Variants in USP15 observed in about 807,000 individuals in gnomAD.
USP15 encodes ubiquitin specific peptidase 15.
USP15 carries 18 observed loss-of-function variants against 127.1 expected under a neutral mutation model. That is an observed-to-expected ratio of 0.14 (90% CI 0.10 to 0.21). The LOEUF is 0.21. USP15 is among the 10% of genes least tolerant of loss of function. The probability of loss-of-function intolerance (pLI) is 1.00; values close to 1 mark genes in which losing one functional copy is unlikely to be tolerated. For synonymous variants in USP15, 364 were observed against 393.7 expected, an observed-to-expected ratio of 0.92 and a Z score of 0.89; for missense variants, 805 against 1,159.9, an observed-to-expected ratio of 0.69 and a Z score of 4.44.
intron 14 of USP15, 35 bp from the exon 15 acceptor site, chr12:62,390,829 G>T (rs372332594): frequency 6.7e-7 from 1 of 1,499,456 alleles, no homozygotes; most frequent in South Asian, 1.2e-5. Context: ...TATCTTTGTA[G>T]TACTGAACTT....
chr12:62,411,256 C>A lies in USP15; in HGVS notation c.*6881C>A, dbSNP rs1038572734. Reference sequence around the variant, plus strand: ...CAGATAGTCACTACATCCTCTTGCTCTTTCTCATTTTTACTCTTTAACTGG... The same window carrying A: ...CAGATAGTCACTACATCCTCTTGCTATTTCTCATTTTTACTCTTTAACTGG... On this transcript the variant is annotated 3_prime_UTR_variant, in exon 22 of 22. Transcript: ENST00000280377. 2.6e-5 allele frequency: 4 copies of A among 152,216 alleles called. No individual in the cohort carries two copies. Among genetic ancestry groups the A allele is most frequent in the African/African-American group, 9.7e-5 (4 of 41,444 alleles). The allele number at this position is 152,216 out of a possible 1,614,324, so 9.4% of individuals were successfully genotyped here. A position where few individuals can be genotyped will look rare whatever the true frequency, so the allele number is the denominator to read the frequency against.
rs1365433188 is a variant in USP15, at chr12:62,406,832, G to GCA, written c.*2463_*2464dup. On this transcript the variant is annotated 3_prime_UTR_variant, in exon 22 of 22. Coordinates refer to ENST00000280377, the MANE Select transcript of USP15 (RefSeq NM_001252078.2). ...TATTTTTTTTTAATTAGCTGGGTGT[G>GCA]CACACACCTGTGTTCCCAGCTACTG... 13 of 152,008 alleles carry GCA rather than the reference G, an allele frequency of 8.6e-5. No individual in the cohort carries two copies. In the East Asian group the frequency reaches 2.3e-3, roughly 27 times the overall value. 9.4% of individuals were successfully genotyped at this position (152,008 alleles called of 1,614,324 possible). A position where few individuals can be genotyped will look rare whatever the true frequency, so the allele number is the denominator to read the frequency against.
chr12:62,381,791 T>A, intron 9 of USP15, 128 bp downstream of exon 9: 1 of 756,508 alleles, frequency 1.3e-6, no homozygotes, highest in Non-Finnish European at 2.0e-6. Flanking sequence ...ACACAGTACA[T>A]AAATAGATAT....
rs537398759 is a variant in USP15 at position 62,260,455 on chromosome 12, C to G, written c.41C>G (p.Ser14Cys). 1.9e-6 allele frequency: 3 copies of G among 1,552,190 alleles called. No homozygotes were observed. The highest frequency in any genetic ancestry group is 2.6e-6 in the Non-Finnish European group (3 of 1,147,784). ...GGAADLDTQR[S>C]DIATLLKTSL... ...GCGGCGGATCTGGACACCCAGCGGT[C>G]TGACATCGCGACGCTGCTCAAAACC... The change falls in exon 1 of 22, where the codon TCT becomes TGT. Residue 14 changes from serine (S) to cysteine (C), a missense_variant. Physicochemically the swap from Ser to Cys is moderately radical, Grantham distance 112. Around this residue, in one of 11 missense-constraint regions of USP15, gnomAD observed 45 missense variants for 37.8 expected, o/e 1.19. Coordinates refer to ENST00000280377, the MANE Select transcript of USP15 (RefSeq NM_001252078.2).
At chr12:62,323,039 A>T (rs2065029359) in intron 5 of USP15, among the ~76,000 whole-genome samples, 1 of 152,200 alleles carries the variant, frequency 6.6e-6, no homozygotes. Context: ...CAGCCGTATC[A>T]GATTATTCAT....
chr12:62,349,152 T>C, intron 6 of USP15, 69 bp from the exon 7 acceptor site: 1 of 975,144 alleles, frequency 1.0e-6, no homozygotes, highest in Non-Finnish European at 1.4e-6. Flanking sequence ...TCATCTGTTC[T>C]TTTATTTCAT....
At chr12:62,303,083 G>C in intron 3 of USP15, 163 bp downstream of exon 3, 1 of 709,644 alleles carries the variant, frequency 1.4e-6, no homozygotes, top group Non-Finnish European at 2.2e-6. Flanking sequence ...ATGTTAAGAA[G>C]GTTTACTTAT....
intron 3 of USP15, among the ~76,000 whole-genome samples, chr12:62,309,840 T>C (rs182667768): frequency 1.1e-3 from 156 of 145,666 alleles, no homozygotes; most frequent in African/African-American, 3.8e-3. Context: ...TGTATGATCT[T>C]AAAAAAAAAA....
chr12:62,260,593 G>C, intron 1 of USP15, 90 bp downstream of exon 1: 1 of 1,277,662 alleles, frequency 7.8e-7, no homozygotes, highest in African/African-American at 1.5e-5. Context: ...GCTAGTGACA[G>C]GTGCGGGCAG....
intron 6 of USP15, among the ~76,000 whole-genome samples, chr12:62,330,251 G>T (rs966041328): frequency 3.3e-5 from 5 of 151,886 alleles, no homozygotes; most frequent in African/African-American, 1.2e-4. Flanking sequence ...GATGAAGCAA[G>T]GATGATACAG....
At chr12:62,388,364 C>T (rs2067222996) in intron 11 of USP15, among the ~76,000 whole-genome samples, 1 of 152,144 alleles carries the variant, frequency 6.6e-6, no homozygotes, top group African/African-American at 2.4e-5. Flanking sequence ...AACTTTCGGG[C>T]TTAAGCGATT....
chr12:62,331,226 ATAAT>A lies in USP15; in HGVS notation c.683+5297_683+5300del, dbSNP rs578100221. ...CTAGGGTGTCAAACACCAAAGAAAG[ATAAT>A]TAAAGCTGTAATATGGTGATAGAAA... On this transcript the variant is annotated intron_variant, in intron 6 of 21. Transcript: ENST00000280377. Among the ~76,000 whole-genome samples, 97 of 152,192 alleles carry A rather than the reference ATAAT, an allele frequency of 6.4e-4. 1 individual carries two copies. Among genetic ancestry groups the A allele is most frequent in the Non-Finnish European group, 1.1e-3 (77 of 68,040 alleles).
At chr12:62,343,612 T>A (rs779386918) in intron 6 of USP15, among the ~76,000 whole-genome samples, 2 of 152,128 alleles carry the variant, frequency 1.3e-5, no homozygotes, top group Non-Finnish European at 2.9e-5. Flanking sequence ...CCGGGCCAGG[T>A]AGCACAGTCC....
At chr12:62,364,521 T>C (rs1433498509) in intron 8 of USP15, among the ~76,000 whole-genome samples, 1 of 152,170 alleles carries the variant, frequency 6.6e-6, no homozygotes, top group Non-Finnish European at 1.5e-5. Flanking sequence ...TTTGTATTTA[T>C]TTATTTATTT....
At chr12:62,335,422 T>G in intron 6 of USP15, 1 of 1,381,692 alleles carries the variant, frequency 7.2e-7, no homozygotes, top group Non-Finnish European at 9.3e-7. Flanking sequence ...ACTTTACCTG[T>G]CGACCACATC....
At chr12:62,392,185 T>G in intron 17 of USP15, 87 bp from the exon 18 acceptor site, 1 of 893,214 alleles carries the variant, frequency 1.1e-6, no homozygotes. Context: ...AGTTTAGGAG[T>G]TTTCATTATT....
At chr12:62,313,380 C>G (rs2064740481) in intron 3 of USP15, among the ~76,000 whole-genome samples, 1 of 151,484 alleles carries the variant, frequency 6.6e-6, no homozygotes, top group African/African-American at 2.4e-5. Context: ...CATACTTATT[C>G]CTTTTCCTGC....
At chr12:62,262,572 G>A (rs2063097857) in intron 1 of USP15, among the ~76,000 whole-genome samples, 1 of 152,152 alleles carries the variant, frequency 6.6e-6, no homozygotes, top group Non-Finnish European at 1.5e-5. Flanking sequence ...TATGTGCATT[G>A]TGGGCGTTTA....
At chr12:62,273,439 T>A (rs943244980) in intron 1 of USP15, among the ~76,000 whole-genome samples, 1 of 152,120 alleles carries the variant, frequency 6.6e-6, no homozygotes, top group Non-Finnish European at 1.5e-5. Flanking sequence ...TTTGAATGAA[T>A]GAATTCCCAT....
Sources: allele counts gnomAD v4.1 joint callset (sites outside exome capture counted in the v4.1 genomes callset), GRCh38; gene constraint gnomAD v4.1.1; regional missense constraint gnomAD v4.1.1; transcripts MANE v1.5; gene names NCBI Gene and HGNC (gene_info 2026-07-23, HGNC 2026-07-21).